The following ADSS2 variants were observed in gnomAD, a reference collection of about 807,000 sequenced individuals.
ADSS2 encodes the protein adenylosuccinate synthase 2.
A neutral mutation model predicts 60.0 loss-of-function variants in ADSS2; 30 were observed. That is an observed-to-expected ratio of 0.50 (90% CI 0.37 to 0.68). The LOEUF (loss-of-function observed/expected upper bound fraction) is 0.68. Among genes scored for constraint, ADSS2 ranks in the 30% least tolerant of loss-of-function variants. The pLI, the probability that ADSS2 is intolerant of heterozygous loss-of-function variation, is 0.00. For missense variants in ADSS2, 373 were observed against 554.8 expected (o/e 0.67, Z 3.29); for synonymous variants, 187 against 193.1 (o/e 0.97, Z 0.26).
chr1:244,431,468 A>C (rs1181484211), intron 4 of ADSS2, among the ~76,000 whole-genome samples: 1 of 152,188 alleles, frequency 6.6e-6, no homozygotes, highest in Non-Finnish European at 1.5e-5. Context: ...AAGTATAATC[A>C]GGTGAAATAT....
intron 1 of ADSS2, among the ~76,000 whole-genome samples, chr1:244,439,862 G>A (rs1050439182): frequency 6.6e-6 from 1 of 152,212 alleles, no homozygotes; most frequent in Non-Finnish European, 1.5e-5. Flanking sequence ...GGCTAGGGCT[G>A]ATCTAAACGC....
upstream of ADSS2, chr1:244,451,910 G>T: frequency 1.5e-6 from 2 of 1,315,784 alleles, no homozygotes; most frequent in Non-Finnish European, 2.0e-6. The surrounding 1 kb of genome is among the most constrained non-coding windows in gnomAD (Gnocchi z 6.6). Context: ...ACATGCAGAG[G>T]AAGAAGGAGC....
chr1:244,442,242 TACAC>T (rs71739056), intron 1 of ADSS2, among the ~76,000 whole-genome samples: 27 of 148,948 alleles, frequency 1.8e-4, no homozygotes, highest in Non-Finnish European at 2.2e-4. Context: ...ATGGTTGCTC[TACAC>T]ACACACACAC....
intron 4 of ADSS2, among the ~76,000 whole-genome samples, chr1:244,429,374 T>A (rs1464947981): frequency 6.6e-6 from 1 of 152,218 alleles, no homozygotes; most frequent in Admixed American, 6.5e-5. Flanking sequence ...AGCATCTATA[T>A]GCCAGATCCT....
chr1:244,427,291 C>T (rs575146316), intron 4 of ADSS2, among the ~76,000 whole-genome samples: 1 of 152,046 alleles, frequency 6.6e-6, no homozygotes, highest in African/African-American at 2.4e-5. Flanking sequence ...ACTCAAGTAA[C>T]GTAAAAGATG....
chr1:244,441,784 G>C (rs759351375), intron 1 of ADSS2, among the ~76,000 whole-genome samples: 2 of 151,908 alleles, frequency 1.3e-5, no homozygotes, highest in Non-Finnish European at 2.9e-5. Context: ...ATGAAACCCC[G>C]TCTCTACTAA....
At position 244,418,880 on chromosome 1, in the gene ADSS2, A is replaced by G. The variant is rs1342404618; in HGVS notation, c.825T>C (p.Thr275=). The part of the protein sequence containing the change: ...TYPFVTSSNC[T]VGGVCTGLGM... ...CCAAACCAGTACAAACACCTCCAAC[A>G]GTACAATTTGAAGAGGTTACAAAAG... The change falls in exon 9 of 13, where the codon ACT becomes ACC. Residue 275 remains threonine (T), a synonymous_variant. Coordinates refer to ENST00000366535, the MANE Select transcript of ADSS2 (RefSeq NM_001126.5). 8 of 1,612,968 alleles carry G rather than the reference A, an allele frequency of 5.0e-6. No homozygotes were observed. Among genetic ancestry groups the G allele is most frequent in the South Asian group, 3.3e-5 (3 of 90,840 alleles).
chr1:244,450,209 C>T (rs1414929540), intron 1 of ADSS2, among the ~76,000 whole-genome samples: 1 of 152,182 alleles, frequency 6.6e-6, no homozygotes, highest in Admixed American at 6.5e-5. Flanking sequence ...GGCTGGATTT[C>T]TGGAGTATTT....
chr1:244,451,905 C>G lies in ADSS2; in HGVS notation c.-88G>C. On this transcript the variant is annotated 5_prime_UTR_variant, in exon 1 of 13. Transcript: ENST00000366535. The surrounding 1 kb of genome is among the most constrained non-coding windows in gnomAD (Gnocchi z 6.6). ...CTGCTCTGCGGCCGCCAGCCACATG[C>G]AGAGGAAGAAGGAGCCAGAGGCCGG... The G allele has an allele frequency of 7.4e-7, 1 of 1,348,560 alleles. No homozygotes were observed. The allele number at this position is 1,348,560 out of a possible 1,614,324, so 83.5% of individuals were successfully genotyped here. A position where few individuals can be genotyped will look rare whatever the true frequency, so the allele number is the denominator to read the frequency against.
chr1:244,431,016 G>A (rs1316508397), intron 4 of ADSS2, among the ~76,000 whole-genome samples: 1 of 152,100 alleles, frequency 6.6e-6, no homozygotes, highest in African/African-American at 2.4e-5. Context: ...ATACTCAGGA[G>A]GCTGAGGCAG....
intron 2 of ADSS2, 118 bp downstream of exon 2, chr1:244,437,548 T>TAA: frequency 1.4e-6 from 1 of 739,534 alleles, no homozygotes. Flanking sequence ...TCAAAATTAA[T>TAA]AAGAGATCAA....
chr1:244,447,510 C>A (rs909328323), intron 1 of ADSS2, among the ~76,000 whole-genome samples: 4 of 152,060 alleles, frequency 2.6e-5, no homozygotes, highest in African/African-American at 9.7e-5. Context: ...CCTCATTGAC[C>A]GAACATTGAG....
intron 1 of ADSS2, among the ~76,000 whole-genome samples, chr1:244,438,217 A>G (rs1396659534): frequency 2.0e-5 from 3 of 152,142 alleles, no homozygotes; most frequent in Non-Finnish European, 2.9e-5. Flanking sequence ...TCATCCTAAG[A>G]GTGTGTCAAG....
intron 1 of ADSS2, among the ~76,000 whole-genome samples, chr1:244,450,528 T>C (rs1170940882): frequency 2.6e-5 from 4 of 152,254 alleles, no homozygotes; most frequent in African/African-American, 4.8e-5. Flanking sequence ...AGGGGGCCTA[T>C]AACTTACTAG....
Position 244,431,142 on chromosome 1 carries a change from C to G in ADSS2, c.406+1403G>C, listed in dbSNP as rs1664933998. Among the ~76,000 whole-genome samples, 3 of 152,112 alleles carry G rather than the reference C, an allele frequency of 2.0e-5. No homozygotes were observed. The South Asian group carries it at 6.2e-4, about 32-fold the overall frequency. ...TAAAAAAAAAAGAATATTAGTAATA[C>G]TCTATTGCTTCCTATATTATAGCAC... On this transcript the variant is annotated intron_variant, in intron 4 of 12. Coordinates refer to ENST00000366535, the MANE Select transcript of ADSS2 (RefSeq NM_001126.5).
At position 244,436,865 on chromosome 1, in the gene ADSS2, T is replaced by A; in HGVS notation, c.315A>T (p.Gly105=). The change falls in exon 3 of 13, where the codon GGA becomes GGT. Residue 105 remains glycine (G), a synonymous_variant. Coordinates refer to ENST00000366535, the MANE Select transcript of ADSS2 (RefSeq NM_001126.5). ...IGNGVVIHLP[G]LFEEAEKNVQ... is the part of the protein sequence containing the mutation. ...CATTTTTCTCTGCTTCTTCAAACAA[T>A]CCAGGTAGATGAATTACCACACCAT... 3 of 1,612,212 alleles carry A rather than the reference T, an allele frequency of 1.9e-6. No individual in the cohort carries two copies. The highest frequency in any genetic ancestry group is 2.5e-6 in the Non-Finnish European group (3 of 1,179,114).
intron 7 of ADSS2, 73 bp from the exon 8 acceptor site, chr1:244,420,369 T>G: frequency 1.5e-6 from 2 of 1,339,068 alleles, no homozygotes; most frequent in Non-Finnish European, 2.0e-6. Context: ...AAGAATAAAT[T>G]ACCTGACTTT....
intron 1 of ADSS2, among the ~76,000 whole-genome samples, chr1:244,445,936 G>A (rs1572149801): frequency 1.3e-5 from 2 of 152,164 alleles, no homozygotes; most frequent in East Asian, 3.9e-4. Context: ...AGGCCTCTGT[G>A]TCTTATCTTT....
Position 244,426,522 on chromosome 1 carries a change from T to C in ADSS2, c.407-2135A>G, listed in dbSNP as rs115281966. 4.4e-3 allele frequency among the ~76,000 whole-genome samples: 670 copies of C among 152,294 alleles called. 6 individuals are homozygous for C. Among genetic ancestry groups the C allele is most frequent in the African/African-American group, 0.015 (643 of 41,580 alleles). On this transcript the variant is annotated intron_variant, in intron 4 of 12. Transcript: ENST00000366535. ...GCCTTGGAATATCTGTTTCACTTTC[T>C]ACAGCCTAGATACTGCAAACAAAAA...
Sources: gnomAD v4.1 joint callset for allele counts (sites outside exome capture counted in the v4.1 genomes callset) on GRCh38, gnomAD v4.1.1 for gene constraint, Gnocchi (gnomAD v3.1) non-coding constraint, MANE v1.5 for transcripts, NCBI Gene and HGNC (gene_info 2026-07-23, HGNC 2026-07-21) for gene names.